DIAPH2: variants seen among roughly 807,000 people sequenced by gnomAD.
DIAPH2 encodes protein diaphanous homolog 2.
A neutral mutation model predicts 92.7 loss-of-function variants in DIAPH2; 35 were observed. The observed-to-expected ratio is 0.38, with a 90% CI of 0.29 to 0.50. DIAPH2 has a LOEUF of 0.50. Ranked by LOEUF, DIAPH2 falls within the 20% of genes least tolerant of loss-of-function variation. The pLI is 0.94. For missense variants in DIAPH2, 701 were observed against 819.5 expected, an observed-to-expected ratio of 0.86 and a Z score of 1.77; for synonymous variants, 301 against 280.4, an observed-to-expected ratio of 1.07 and a Z score of -0.73.
intron 23 of DIAPH2, among the ~76,000 whole-genome samples, chrX:97,340,446 A>G (rs1282649100): frequency 1.8e-5 from 2 of 110,632 alleles, no homozygotes; most frequent in African/African-American, 3.3e-5. Flanking sequence ...CCCAGATCAA[A>G]TCTCTACTGA....
intron 26 of DIAPH2, among the ~76,000 whole-genome samples, chrX:97,494,125 A>ATT (rs2067822817): frequency 1.0e-4 from 1 of 9,641 alleles, no homozygotes; most frequent in Non-Finnish European, 4.0e-4. Flanking sequence ...ATATGTATAT[A>ATT]TTTGTGTGTG....
intron 25 of DIAPH2, among the ~76,000 whole-genome samples, chrX:97,391,390 A>G (rs757220243): frequency 1.0e-3 from 115 of 111,758 alleles, no homozygotes; most frequent in African/African-American, 3.5e-3. Context: ...AATATGTCCA[A>G]TTAGAACATT....
At chrX:96,847,841 A>G (rs1189774063) in intron 4 of DIAPH2, among the ~76,000 whole-genome samples, 4 of 109,735 alleles carry the variant, frequency 3.6e-5, no homozygotes, top group African/African-American at 1.3e-4. Flanking sequence ...GTCAAAGACC[A>G]CTCTTTAGAA....
intron 5 of DIAPH2, among the ~76,000 whole-genome samples, chrX:96,904,196 A>C (rs755426011): frequency 8.9e-6 from 1 of 112,073 alleles, no homozygotes; most frequent in African/African-American, 3.2e-5. Context: ...TTGAAGTCAA[A>C]ACCACTCAGA....
Position 97,255,806 on chromosome X carries a change from G to A in DIAPH2, c.2844+7967G>A, listed in dbSNP as rs189446432. On this transcript the variant is annotated intron_variant, in intron 23 of 26. Coordinates refer to ENST00000324765, the MANE Select transcript of DIAPH2 (RefSeq NM_006729.5). ...CACATTCTAAGACCCTGTCTGAATG[G>A]AGCATATTTTTAAGGGTCCGTTAGC... 5.4e-5 allele frequency among the ~76,000 whole-genome samples: 6 copies of A among 111,878 alleles called. 1 individual carries two copies. Among genetic ancestry groups the A allele is most frequent in the Admixed American group, 2.9e-4 (3 of 10,507 alleles).
intron 24 of DIAPH2, among the ~76,000 whole-genome samples, chrX:97,368,220 G>A (rs191481263): frequency 2.0e-3 from 219 of 112,003 alleles, no homozygotes; most frequent in South Asian, 5.2e-3. Context: ...TTATTTTGAC[G>A]TGGGAAACTC....
intron 23 of DIAPH2, among the ~76,000 whole-genome samples, chrX:97,315,370 C>T (rs747038806): frequency 2.1e-4 from 24 of 111,817 alleles, no homozygotes; most frequent in African/African-American, 7.1e-4. Flanking sequence ...CATGATATGG[C>T]GTAACAGAGA....
At chrX:96,939,546 G>GTATA (rs2065684103) in intron 12 of DIAPH2, among the ~76,000 whole-genome samples, 164 bp downstream of exon 12, 1 of 67,992 alleles carries the variant, frequency 1.5e-5, no homozygotes, top group African/African-American at 6.0e-5. Flanking sequence ...ATATATGTAT[G>GTATA]TATATATGTA....
intron 1 of DIAPH2, among the ~76,000 whole-genome samples, chrX:96,721,681 C>A (rs953055145): frequency 8.9e-6 from 1 of 111,847 alleles, no homozygotes; most frequent in Non-Finnish European, 1.9e-5. Flanking sequence ...CTTCCCTCTA[C>A]TATGATGGGT....
At chrX:97,110,982 C>CAAAA (rs1391907231) in intron 20 of DIAPH2, among the ~76,000 whole-genome samples, 1 of 78,532 alleles carries the variant, frequency 1.3e-5, no homozygotes. Context: ...GACTCCGTCT[C>CAAAA]AAAAAAAACA....
chrX:96,819,558 A>G (rs2064763952), intron 4 of DIAPH2, among the ~76,000 whole-genome samples: 1 of 111,945 alleles, frequency 8.9e-6, no homozygotes, highest in Admixed American at 9.5e-5. Context: ...TTTTTCCATT[A>G]CAAGTGTTTC....
chrX:96,796,859 C>G (rs1488640919), intron 4 of DIAPH2, among the ~76,000 whole-genome samples: 3 of 111,379 alleles, frequency 2.7e-5, no homozygotes, highest in African/African-American at 9.8e-5. Context: ...CTTATATATT[C>G]TCACACTCTA....
chrX:97,360,805 A>C (rs1451215233), intron 24 of DIAPH2, among the ~76,000 whole-genome samples: 2 of 112,092 alleles, frequency 1.8e-5, no homozygotes, highest in Non-Finnish European at 3.8e-5. Flanking sequence ...AATGACATCT[A>C]CGAGATATTA....
intron 1 of DIAPH2, among the ~76,000 whole-genome samples, chrX:96,712,734 A>G (rs1252642610): frequency 9.0e-6 from 1 of 111,578 alleles, no homozygotes; most frequent in Non-Finnish European, 1.9e-5. Flanking sequence ...TATGAAGAAT[A>G]ATACCTGTAG....
chrX:97,334,998 CAAAAAAAAA>C (rs746536131), intron 23 of DIAPH2, among the ~76,000 whole-genome samples: 1 of 31,464 alleles, frequency 3.2e-5, no homozygotes. Context: ...AAAAACAAAA[CAAAAAAAAA>C]AAAAAAAAAG....
intron 17 of DIAPH2, among the ~76,000 whole-genome samples, chrX:97,033,950 C>A (rs775093242): frequency 1.1e-3 from 125 of 111,286 alleles, no homozygotes; most frequent in African/African-American, 3.8e-3. Flanking sequence ...AAGGAACTGC[C>A]CTGCCAGCTG....
chrX:97,336,576 T>TA (rs773415602), intron 23 of DIAPH2, among the ~76,000 whole-genome samples: 22 of 111,283 alleles, frequency 2.0e-4, no homozygotes, highest in African/African-American at 6.5e-4. Context: ...AATTGCAATT[T>TA]AAAAAATGTT....
At chrX:96,859,461 A>G (rs1359128743) in intron 4 of DIAPH2, among the ~76,000 whole-genome samples, 1 of 110,392 alleles carries the variant, frequency 9.1e-6, no homozygotes, top group East Asian at 2.8e-4. Context: ...GTAAAATGCC[A>G]TTTTGAGAAC....
intron 5 of DIAPH2, among the ~76,000 whole-genome samples, chrX:96,907,892 T>C (rs2065443458): frequency 8.9e-6 from 1 of 111,936 alleles, no homozygotes; most frequent in Non-Finnish European, 1.9e-5. Context: ...ACTCATCAAA[T>C]AATTAATAGA....
Sources: allele counts gnomAD v4.1 joint callset (sites outside exome capture counted in the v4.1 genomes callset), GRCh38; gene constraint gnomAD v4.1.1; transcripts MANE v1.5; gene names NCBI Gene and HGNC (gene_info 2026-07-23, HGNC 2026-07-21).